Variants in WDR72 observed in about 807,000 individuals in gnomAD.
WDR72 encodes the protein WD repeat domain 72, also known as WD repeat-containing protein 72.
A neutral mutation model predicts 124.2 loss-of-function variants in WDR72; 120 were observed. The observed-to-expected ratio is 0.97, with a 90% confidence interval of 0.83 to 1.12. The LOEUF is 1.12. Among genes scored for constraint, WDR72 ranks in the 50% most tolerant of loss-of-function variants. WDR72 has a pLI of 0.00. For synonymous variants in WDR72, 452 were observed against 441.7 expected (o/e 1.02, Z -0.29); for missense variants, 1,387 against 1,278.8 (o/e 1.08, Z -1.29).
intron 18 of WDR72, among the ~76,000 whole-genome samples, chr15:53,569,717 A>G (rs980460868): frequency 1.4e-4 from 22 of 152,054 alleles, no homozygotes; most frequent in African/African-American, 5.3e-4. Flanking sequence ...TTCTCAGAGT[A>G]CTGAGGTTTG....
At chr15:53,732,904 A>C in intron 2 of WDR72, 93 bp downstream of exon 2, 1 of 1,468,438 alleles carries the variant, frequency 6.8e-7, no homozygotes. Context: ...TTTAACAATC[A>C]TGCAAACCTT....
chr15:53,617,787 A>G (rs1322593047), intron 14 of WDR72, among the ~76,000 whole-genome samples: 3 of 151,988 alleles, frequency 2.0e-5, no homozygotes, highest in Non-Finnish European at 4.4e-5. Flanking sequence ...AGCCAGACAT[A>G]AAAGAATTAG....
chr15:53,645,609 A>C (rs1445960678), intron 14 of WDR72, among the ~76,000 whole-genome samples: 1 of 152,192 alleles, frequency 6.6e-6, no homozygotes, highest in Admixed American at 6.5e-5. Flanking sequence ...AAGATATGCT[A>C]AACACAGAAA....
chr15:53,747,966 T>C (rs908871026), intron 1 of WDR72, among the ~76,000 whole-genome samples: 7 of 144,286 alleles, frequency 4.9e-5, no homozygotes, highest in South Asian at 2.2e-4. Context: ...TTTAACCCTC[T>C]ATTTACAGTG....
intron 14 of WDR72, among the ~76,000 whole-genome samples, chr15:53,627,466 T>G (rs2014257112): frequency 6.6e-6 from 1 of 152,206 alleles, no homozygotes; most frequent in Non-Finnish European, 1.5e-5. Context: ...CAAATACTGT[T>G]AAAGATGCAG....
intron 17 of WDR72, 111 bp from the exon 18 acceptor site, chr15:53,597,385 A>G (rs1566976344): frequency 3.0e-6 from 3 of 1,004,954 alleles, no homozygotes; most frequent in South Asian, 3.0e-5. Flanking sequence ...TCCATAAACG[A>G]TAACTTTTCA....
intron 19 of WDR72, among the ~76,000 whole-genome samples, chr15:53,518,895 T>A (rs117210557): frequency 6.6e-6 from 1 of 151,988 alleles, no homozygotes; most frequent in East Asian, 1.9e-4. Context: ...TAGATCTACA[T>A]AGATAACCTG....
At chr15:53,614,690 G>A (rs1373418023) in intron 15 of WDR72, among the ~76,000 whole-genome samples, 1 of 151,900 alleles carries the variant, frequency 6.6e-6, no homozygotes, top group Non-Finnish European at 1.5e-5. Context: ...CTGCTCTGTG[G>A]GATCATGATT....
At chr15:53,616,770 G>T (rs1406139943) in intron 14 of WDR72, among the ~76,000 whole-genome samples, 1 of 151,876 alleles carries the variant, frequency 6.6e-6, no homozygotes. Context: ...TGCCCCAAAG[G>T]CTGGCACAGT....
chr15:53,643,208 A>G (rs995310281), intron 14 of WDR72, among the ~76,000 whole-genome samples: 3 of 152,186 alleles, frequency 2.0e-5, no homozygotes, highest in African/African-American at 7.2e-5. Flanking sequence ...AATAGAACTG[A>G]AAACTGATAC....
chr15:53,676,031 C>T (rs2016160385), intron 13 of WDR72, among the ~76,000 whole-genome samples: 1 of 152,148 alleles, frequency 6.6e-6, no homozygotes, highest in African/African-American at 2.4e-5. Context: ...ACCACCAAGG[C>T]TCAGGGTACC....
chr15:53,684,234 G>C (rs535565951), intron 13 of WDR72: 9 of 153,904 alleles, frequency 5.8e-5, no homozygotes, highest in Admixed American at 1.3e-4. Context: ...GAACAGCTCC[G>C]GTCTACAGCT....
chr15:53,516,035 C>T lies in WDR72; in HGVS notation c.*1664G>A, dbSNP rs10518724. 2 of 151,990 alleles carry T rather than the reference C, an allele frequency of 1.3e-5. No individual in the cohort carries two copies. The highest frequency in any genetic ancestry group is 2.4e-5 in the African/African-American group (1 of 41,366). 9.4% of individuals were successfully genotyped at this position (151,990 alleles called of 1,614,324 possible). The stretch of plus-strand genomic sequence containing the variant: ...CAACAAGCAAGAAAATATAATCCAT[C>T]GCCTAACTTGCTACCTTCCTTTATT... On this transcript the variant is annotated 3_prime_UTR_variant, in exon 20 of 20. Transcript: ENST00000360509.
chr15:53,698,226 G>T (rs560349340), intron 13 of WDR72, among the ~76,000 whole-genome samples: 45 of 152,218 alleles, frequency 3.0e-4, no homozygotes, highest in African/African-American at 1.1e-3. Flanking sequence ...ATAGCCTAAG[G>T]GTATCCCGAT....
chr15:53,651,350 A>G (rs2015233978), intron 14 of WDR72, among the ~76,000 whole-genome samples: 1 of 152,212 alleles, frequency 6.6e-6, no homozygotes, highest in African/African-American at 2.4e-5. Flanking sequence ...AATTCCCTGC[A>G]GAGCCTTTAT....
chr15:53,686,930 T>A (rs1219453443), intron 13 of WDR72, among the ~76,000 whole-genome samples: 1 of 151,554 alleles, frequency 6.6e-6, no homozygotes, highest in African/African-American at 2.4e-5. Context: ...CTCAAATACA[T>A]GGAAACTGAA....
At chr15:53,584,828 A>G (rs1389569086) in intron 18 of WDR72, among the ~76,000 whole-genome samples, 1 of 151,888 alleles carries the variant, frequency 6.6e-6, no homozygotes, top group Non-Finnish European at 1.5e-5. Context: ...ATCTGTCCCC[A>G]TGTTATTCCC....
chr15:53,639,882 T>C (rs1400417965), intron 14 of WDR72, among the ~76,000 whole-genome samples: 2 of 152,086 alleles, frequency 1.3e-5, no homozygotes, highest in East Asian at 1.9e-4. Context: ...TCTAATATCT[T>C]AGAGTTCATA....
At chr15:53,683,900 T>C (rs766037344) in intron 13 of WDR72, among the ~76,000 whole-genome samples, 73 of 152,142 alleles carry the variant, frequency 4.8e-4, no homozygotes, top group Non-Finnish European at 8.8e-4. Flanking sequence ...CAAAATCTCT[T>C]AGACTAACAG....
Sources: gnomAD v4.1 joint callset for allele counts (sites outside exome capture counted in the v4.1 genomes callset) on GRCh38, gnomAD v4.1.1 for gene constraint, MANE v1.5 for transcripts, NCBI Gene and HGNC (gene_info 2026-07-23, HGNC 2026-07-21) for gene names.